GABRA3: variants seen among roughly 807,000 people sequenced by gnomAD.
GABRA3 encodes the protein gamma-aminobutyric acid receptor subunit alpha-3.
A neutral mutation model predicts 30.1 loss-of-function variants in GABRA3; 10 were observed. The observed-to-expected ratio is 0.33, with a 90% CI of 0.20 to 0.56. The LOEUF (loss-of-function observed/expected upper bound fraction) is 0.56. GABRA3 is among the 20% of genes least tolerant of loss of function. The pLI, the probability that GABRA3 is intolerant of heterozygous loss-of-function variation, is 0.89. For missense variants in GABRA3, 233 were observed against 392.0 expected, an observed-to-expected ratio of 0.59 and a Z score of 3.42; for synonymous variants, 151 against 146.8, an observed-to-expected ratio of 1.03 and a Z score of -0.21.
chrX:152,327,050 A>T (rs745485206), intron 3 of GABRA3, among the ~76,000 whole-genome samples: 1 of 110,257 alleles, frequency 9.1e-6, no homozygotes, highest in African/African-American at 3.3e-5. Flanking sequence ...CAGGGGTTGC[A>T]ATCCTAGTCT....
chrX:152,279,989 T>C (rs1237946746), intron 4 of GABRA3, among the ~76,000 whole-genome samples: 1 of 111,692 alleles, frequency 9.0e-6, no homozygotes, highest in Non-Finnish European at 1.9e-5. Context: ...TGAAGTTGCT[T>C]ATCAGCTTAA....
chrX:152,379,682 T>C (rs1193303779), intron 1 of GABRA3, among the ~76,000 whole-genome samples: 1 of 111,760 alleles, frequency 8.9e-6, no homozygotes, highest in East Asian at 2.8e-4. Flanking sequence ...GATTGGTTGA[T>C]AAAATTTGAC....
At chrX:152,335,377 C>A (rs1290806131) in intron 3 of GABRA3, among the ~76,000 whole-genome samples, 1 of 111,668 alleles carries the variant, frequency 9.0e-6, no homozygotes, top group Non-Finnish European at 1.9e-5. Flanking sequence ...ACTTCATTTG[C>A]AACAAAGTAT....
chrX:152,298,852 G>T (rs915313292), intron 3 of GABRA3, among the ~76,000 whole-genome samples: 3 of 112,034 alleles, frequency 2.7e-5, no homozygotes, highest in Non-Finnish European at 5.6e-5. Context: ...CAGTATAAAA[G>T]TGTTCCTATT....
intron 5 of GABRA3, among the ~76,000 whole-genome samples, chrX:152,227,746 A>G (rs1332628000): frequency 9.1e-6 from 1 of 109,689 alleles, no homozygotes; most frequent in Non-Finnish European, 1.9e-5. Context: ...TGAGGGACAT[A>G]TTGCAGACAT....
chrX:152,309,037 C>A (rs1346898652), intron 3 of GABRA3, among the ~76,000 whole-genome samples: 1 of 111,925 alleles, frequency 8.9e-6, no homozygotes, highest in African/African-American at 3.2e-5. Context: ...AGGAAAGATT[C>A]TCATATCTTG....
chrX:152,242,564 G>A (rs1010239701), intron 5 of GABRA3, among the ~76,000 whole-genome samples: 2 of 111,748 alleles, frequency 1.8e-5, no homozygotes, highest in Non-Finnish European at 1.9e-5. Context: ...AACAACAATA[G>A]CAAGAAAACA....
intron 1 of GABRA3, among the ~76,000 whole-genome samples, chrX:152,415,327 T>C (rs982237800): frequency 9.0e-6 from 1 of 111,132 alleles, no homozygotes; most frequent in Admixed American, 9.6e-5. Flanking sequence ...TACTCTAAAA[T>C]ATAAACCCTA....
At chrX:152,220,577 G>A (rs1937813638) in intron 6 of GABRA3, among the ~76,000 whole-genome samples, 1 of 111,482 alleles carries the variant, frequency 9.0e-6, no homozygotes, top group Non-Finnish European at 1.9e-5. Context: ...CTCAGGACTA[G>A]AGATGCAAAG....
intron 5 of GABRA3, among the ~76,000 whole-genome samples, chrX:152,225,420 A>G (rs6627217): frequency 1.8e-4 from 5 of 27,532 alleles, no homozygotes; most frequent in African/African-American, 3.5e-4. Flanking sequence ...ACACACACGC[A>G]CACACACACA....
chrX:152,422,244 A>G (rs1313429578), intron 1 of GABRA3, among the ~76,000 whole-genome samples: 1 of 111,758 alleles, frequency 8.9e-6, no homozygotes, highest in African/African-American at 3.2e-5. Context: ...AGCTTTTGCA[A>G]CAACGTGGAT....
chrX:152,441,730 G>A (rs771173771), intron 1 of GABRA3, among the ~76,000 whole-genome samples: 40 of 111,389 alleles, frequency 3.6e-4, no homozygotes, highest in Non-Finnish European at 6.2e-4. Context: ...TGGAGTTTGC[G>A]GTCTAAACTA....
chrX:152,185,166 A>T (rs770470193), intron 9 of GABRA3, among the ~76,000 whole-genome samples: 1 of 111,148 alleles, frequency 9.0e-6, no homozygotes, highest in East Asian at 2.8e-4. Flanking sequence ...TGCACTTCAA[A>T]TTTTTTTCTG....
intron 1 of GABRA3, among the ~76,000 whole-genome samples, chrX:152,438,450 C>T (rs1253328898): frequency 4.5e-5 from 5 of 112,193 alleles, no homozygotes; most frequent in Non-Finnish European, 9.4e-5. Flanking sequence ...AGCAATTGCA[C>T]TCCTCGGTAT....
At chrX:152,197,433 C>G (rs747777044) in intron 8 of GABRA3, among the ~76,000 whole-genome samples, 200 bp downstream of exon 8, 1 of 111,474 alleles carries the variant, frequency 9.0e-6, no homozygotes, top group East Asian at 2.8e-4. Context: ...CAGTATCTTA[C>G]TGGTCCAACA....
At chrX:152,390,055 A>C (rs192287181) in intron 1 of GABRA3, among the ~76,000 whole-genome samples, 1 of 111,926 alleles carries the variant, frequency 8.9e-6, no homozygotes, top group Admixed American at 9.5e-5. Flanking sequence ...AAGTAAAACA[A>C]CACAGTATAT....
chrX:152,227,582 T>C (rs1937987512), intron 5 of GABRA3, among the ~76,000 whole-genome samples: 2 of 102,560 alleles, frequency 2.0e-5, no homozygotes, highest in South Asian at 9.4e-4. Context: ...TATAAACTCA[T>C]AATTAAATGG....
At chrX:152,199,228 T>A (rs1029573757) in intron 7 of GABRA3, among the ~76,000 whole-genome samples, 5 of 106,298 alleles carry the variant, frequency 4.7e-5, no homozygotes, top group Middle Eastern at 4.5e-3. Context: ...TAGCCGGGTG[T>A]GGTGGCGGGC....
chrX:152,260,995 T>A lies in GABRA3; in HGVS notation c.331-4997A>T, dbSNP rs769245452. Among the ~76,000 whole-genome samples, 7 of 111,881 alleles carry A rather than the reference T, an allele frequency of 6.3e-5. No individual in the cohort carries two copies. The South Asian group carries it at 2.6e-3, about 42-fold the overall frequency. On this transcript the variant is annotated intron_variant, in intron 4 of 9. Transcript: ENST00000370314. ...AAAGTTCAACATGGATGGAGAGACC[T>A]CAGGAAACTTACAATCATGGCAGAA... is the stretch of plus-strand genomic sequence containing the variant.
Sources: allele counts gnomAD v4.1 joint callset (sites outside exome capture counted in the v4.1 genomes callset), GRCh38; gene constraint gnomAD v4.1.1; transcripts MANE v1.5; gene names NCBI Gene and HGNC (gene_info 2026-07-23, HGNC 2026-07-21).